The following TAF3 variants were observed in gnomAD, a reference collection of about 807,000 sequenced individuals.
The protein encoded by TAF3 is TATA-box binding protein associated factor 3, also known as transcription initiation factor TFIID subunit 3.
TAF3 carries 7 observed loss-of-function variants against 80.6 expected under a neutral mutation model. The observed-to-expected ratio is 0.09, with a 90% CI of 0.05 to 0.16. The LOEUF (loss-of-function observed/expected upper bound fraction) is 0.16, where lower values mean the gene tolerates loss of function less well. Among genes scored for constraint, TAF3 ranks in the 10% least tolerant of loss-of-function variants. The pLI, the probability that TAF3 is intolerant of heterozygous loss-of-function variation, is 1.00. For synonymous variants in TAF3, 444 were observed against 446.1 expected (o/e 1.00, Z 0.06); for missense variants, 921 against 1,140.2 (o/e 0.81, Z 2.77).
intron 2 of TAF3, among the ~76,000 whole-genome samples, chr10:7,832,444 T>C (rs1285265564): frequency 6.6e-6 from 1 of 152,224 alleles, no homozygotes; most frequent in Non-Finnish European, 1.5e-5. Flanking sequence ...TAAATATTTA[T>C]GGAGTACATA....
chr10:7,961,655 TTC>T (rs1390301249), intron 2 of TAF3, among the ~76,000 whole-genome samples: 1 of 152,206 alleles, frequency 6.6e-6, no homozygotes, highest in African/African-American at 2.4e-5. Context: ...ACAACACTCT[TTC>T]TCTCATGCAC....
intron 4 of TAF3, among the ~76,000 whole-genome samples, chr10:8,002,525 G>A (rs1831954143): frequency 6.6e-6 from 1 of 152,110 alleles, no homozygotes; most frequent in African/African-American, 2.4e-5. Context: ...AAGGCTTTTT[G>A]TTCCTTTGAG....
chr10:7,884,053 A>G (rs937370656), intron 2 of TAF3, among the ~76,000 whole-genome samples: 2 of 152,156 alleles, frequency 1.3e-5, no homozygotes, highest in African/African-American at 4.8e-5. Context: ...TGAGTGGATT[A>G]ACCCAGTGAC....
At chr10:7,928,936 A>C (rs1837841541) in intron 2 of TAF3, among the ~76,000 whole-genome samples, 1 of 152,244 alleles carries the variant, frequency 6.6e-6, no homozygotes, top group African/African-American at 2.4e-5. Flanking sequence ...TCTCCACAGA[A>C]GAATTTTTTT....
intron 2 of TAF3, among the ~76,000 whole-genome samples, chr10:7,904,865 C>T (rs1347877784): frequency 3.3e-5 from 5 of 152,096 alleles, no homozygotes; most frequent in Non-Finnish European, 5.9e-5. Context: ...GCTGGCTGTG[C>T]TCCCTTTAGG....
chr10:7,971,380 A>G (rs1264652128), intron 3 of TAF3, among the ~76,000 whole-genome samples: 6 of 151,574 alleles, frequency 4.0e-5, no homozygotes, highest in Non-Finnish European at 8.8e-5. Context: ...TTTCTAACAT[A>G]CCGGCATAGA....
At chr10:7,942,228 G>A (rs118050227) in intron 2 of TAF3, among the ~76,000 whole-genome samples, 1,531 of 152,248 alleles carry the variant, frequency 0.01, 19 homozygotes, top group Middle Eastern at 0.065. Context: ...CATAAATTGC[G>A]TTTTGTCGAT....
intron 2 of TAF3, among the ~76,000 whole-genome samples, chr10:7,883,174 T>C (rs1837377590): frequency 1.3e-5 from 2 of 152,236 alleles, no homozygotes; most frequent in South Asian, 4.1e-4. Context: ...CTGGTTGTGT[T>C]CAGTTAGGAG....
Position 8,009,265 on chromosome 10 carries a change from G to A in TAF3, c.2503G>A (p.Ala835Thr), listed in dbSNP as rs200505424. 1,085 of 1,560,260 alleles carry A rather than the reference G, an allele frequency of 7.0e-4. 4 individuals carry two copies. The African/African-American group carries it at 0.011, about 16-fold the overall frequency. Residue 835 changes from alanine to threonine, a missense_variant, in exon 5 of 7, where the codon GCC becomes ACC. Transcript: ENST00000344293. The surrounding 1 kb of genome is among the most constrained non-coding windows in gnomAD (Gnocchi z 4.1). ...PALLPSPGPA[A>T]SGASAKAPVR... is the part of the protein sequence containing the mutation. ...CCTGCTGCCCTCCCCGGGTCCCGCC[G>A]CCTCCGGGGCCAGTGCCAAAGCCCC... is the stretch of plus-strand genomic sequence containing the variant.
chr10:7,869,279 G>A (rs1383401952), intron 2 of TAF3, among the ~76,000 whole-genome samples: 3 of 152,068 alleles, frequency 2.0e-5, no homozygotes, highest in African/African-American at 7.2e-5. Flanking sequence ...GTGTGTCTGT[G>A]TGTGTGTGGA....
intron 2 of TAF3, among the ~76,000 whole-genome samples, chr10:7,938,270 G>A (rs1333507522): frequency 6.6e-6 from 1 of 152,124 alleles, no homozygotes; most frequent in African/African-American, 2.4e-5. Context: ...AGGTGTGTGG[G>A]GATAAGAAGA....
At chr10:8,007,307 T>C (rs2131439561) in intron 4 of TAF3, among the ~76,000 whole-genome samples, 1 of 151,830 alleles carries the variant, frequency 6.6e-6, no homozygotes, top group South Asian at 2.1e-4. Flanking sequence ...GAGTGTGACA[T>C]TGTGTGTATA....
chr10:7,870,390 C>A (rs1051227954), intron 2 of TAF3, among the ~76,000 whole-genome samples: 2 of 152,202 alleles, frequency 1.3e-5, no homozygotes, highest in Admixed American at 1.3e-4. Context: ...ATAGTTAATT[C>A]TCTGCTGCTT....
At chr10:7,842,977 C>G (rs1836933096) in intron 2 of TAF3, among the ~76,000 whole-genome samples, 1 of 152,150 alleles carries the variant, frequency 6.6e-6, no homozygotes, top group African/African-American at 2.4e-5. Flanking sequence ...CTCCGGAATT[C>G]TTTCTAATCT....
At chr10:7,822,710 A>G (rs1836702327) in intron 1 of TAF3, among the ~76,000 whole-genome samples, 1 of 152,232 alleles carries the variant, frequency 6.6e-6, no homozygotes, top group African/African-American at 2.4e-5. Context: ...AGACATACTG[A>G]GTTTGAAGTG....
intron 4 of TAF3, among the ~76,000 whole-genome samples, chr10:7,986,804 G>A (rs952777005): frequency 6.6e-6 from 1 of 151,770 alleles, no homozygotes; most frequent in Non-Finnish European, 1.5e-5. Flanking sequence ...AAGAAACAGG[G>A]GAAAAAAGGA....
Position 8,015,728 on chromosome 10 carries a change from T to C in TAF3, c.*977T>C, listed in dbSNP as rs560515013. ...CATGGTGGGGAAAGGGCCCGAGCAG[T>C]TGGAAGGAAAACAAGGCAATTTAAA... On this transcript the variant is annotated 3_prime_UTR_variant, in exon 7 of 7. Coordinates refer to ENST00000344293, the MANE Select transcript of TAF3 (RefSeq NM_031923.4). 1 of 152,186 alleles carries C rather than the reference T, an allele frequency of 6.6e-6. No individual in the cohort carries two copies. Among genetic ancestry groups the C allele is most frequent in the Non-Finnish European group, 1.5e-5 (1 of 68,012 alleles). 9.4% of individuals were successfully genotyped at this position (152,186 alleles called of 1,614,324 possible). A position where few individuals can be genotyped will look rare whatever the true frequency, so the allele number is the denominator to read the frequency against.
chr10:7,856,223 G>A (rs557863654), intron 2 of TAF3, among the ~76,000 whole-genome samples: 114 of 152,192 alleles, frequency 7.5e-4, no homozygotes, highest in Middle Eastern at 3.4e-3. Context: ...AGTGGCTCAC[G>A]CCAGCACTTT....
At chr10:7,949,379 C>A (rs1838059636) in intron 2 of TAF3, among the ~76,000 whole-genome samples, 1 of 152,222 alleles carries the variant, frequency 6.6e-6, no homozygotes, top group South Asian at 2.1e-4. Flanking sequence ...CAGGCCTACT[C>A]ATGGATGCCT....
Sources: allele counts gnomAD v4.1 joint callset (sites outside exome capture counted in the v4.1 genomes callset), GRCh38; gene constraint gnomAD v4.1.1; non-coding constraint Gnocchi (gnomAD v3.1); transcripts MANE v1.5; gene names NCBI Gene and HGNC (gene_info 2026-07-23, HGNC 2026-07-21).